Variants in MKLN1 observed in about 807,000 individuals in gnomAD.
MKLN1 encodes the protein muskelin.
Under a neutral mutation model 99.0 loss-of-function variants are expected in MKLN1, and 18 were observed. The observed-to-expected ratio is 0.18, with a 90% CI of 0.13 to 0.27. The LOEUF is 0.27. Ranked by LOEUF, MKLN1 falls within the 10% of genes least tolerant of loss-of-function variation. MKLN1 has a pLI of 1.00. For synonymous variants in MKLN1, 288 were observed against 293.2 expected (o/e 0.98, Z 0.18); for missense variants, 621 against 875.9 (o/e 0.71, Z 3.67).
intron 3 of MKLN1, among the ~76,000 whole-genome samples, chr7:131,255,227 C>G (rs1797641418): frequency 6.6e-6 from 1 of 151,918 alleles, no homozygotes. Context: ...TAGGTGTGAA[C>G]CACTGTGCCC....
intron 3 of MKLN1, among the ~76,000 whole-genome samples, chr7:131,252,699 G>A (rs1156592587): frequency 1.3e-5 from 2 of 152,032 alleles, no homozygotes; most frequent in Non-Finnish European, 2.9e-5. Flanking sequence ...GGCTTAGTTA[G>A]CATCACCAAG....
chr7:131,163,476 T>C (rs573268078), intron 2 of MKLN1, among the ~76,000 whole-genome samples: 1 of 152,340 alleles, frequency 6.6e-6, no homozygotes, highest in South Asian at 2.1e-4. Flanking sequence ...CAGATTGAGA[T>C]GGAGTAGACT....
chr7:131,377,826 C>CAGGG (rs1563319154), intron 2 of MKLN1, among the ~76,000 whole-genome samples: 3 of 152,174 alleles, frequency 2.0e-5, no homozygotes, highest in Non-Finnish European at 4.4e-5. Context: ...ACGGGTATTA[C>CAGGG]ATCAGATACC....
At chr7:131,306,618 G>A (rs1366219799) in intron 3 of MKLN1, among the ~76,000 whole-genome samples, 2 of 152,148 alleles carry the variant, frequency 1.3e-5, no homozygotes, top group Admixed American at 1.3e-4. Context: ...ATTATTTAAG[G>A]TATCTAGCAG....
chr7:131,145,724 G>A (rs1795806988), intron 2 of MKLN1, among the ~76,000 whole-genome samples: 2 of 152,210 alleles, frequency 1.3e-5, no homozygotes, highest in Admixed American at 1.3e-4. Flanking sequence ...TCTCTTCTGG[G>A]TAATCCCAAA....
intron 1 of MKLN1, among the ~76,000 whole-genome samples, chr7:131,357,810 T>C (rs1799926506): frequency 6.6e-6 from 1 of 152,156 alleles, no homozygotes; most frequent in Admixed American, 6.6e-5. Context: ...GCCCCATTTC[T>C]CCATAGAACT....
chr7:131,282,459 C>T (rs986415488), intron 3 of MKLN1, among the ~76,000 whole-genome samples: 5 of 152,020 alleles, frequency 3.3e-5, no homozygotes, highest in Non-Finnish European at 7.4e-5. Flanking sequence ...AAACAGTAGC[C>T]CTTGACAGCA....
chr7:131,215,923 A>G (rs1796974821), intron 3 of MKLN1, among the ~76,000 whole-genome samples: 1 of 152,120 alleles, frequency 6.6e-6, no homozygotes, highest in African/African-American at 2.4e-5. Context: ...AGTCTAGCCC[A>G]TAGGTTCAAG....
At chr7:131,111,660 A>G (rs1795202757) in intron 1 of MKLN1, among the ~76,000 whole-genome samples, 3 of 152,190 alleles carry the variant, frequency 2.0e-5, no homozygotes, top group Admixed American at 2.0e-4. Flanking sequence ...AGCCTAGAAA[A>G]AAAAAACATC....
At chr7:131,336,185 A>G (rs1799245194) in intron 1 of MKLN1, among the ~76,000 whole-genome samples, 1 of 152,062 alleles carries the variant, frequency 6.6e-6, no homozygotes, top group Non-Finnish European at 1.5e-5. Flanking sequence ...TTGGCTCTTT[A>G]TCATTATAAC....
chr7:131,358,778 C>A (rs1259789609), intron 1 of MKLN1, among the ~76,000 whole-genome samples: 1 of 152,024 alleles, frequency 6.6e-6, no homozygotes, highest in East Asian at 1.9e-4. Flanking sequence ...AGGAATTGGT[C>A]CATTTCATTT....
At chr7:131,168,573 C>T (rs570333138) in intron 2 of MKLN1, among the ~76,000 whole-genome samples, 1 of 152,264 alleles carries the variant, frequency 6.6e-6, no homozygotes, top group East Asian at 1.9e-4. Flanking sequence ...CGCTTACCAC[C>T]ACCTGACATA....
intron 3 of MKLN1, among the ~76,000 whole-genome samples, chr7:131,265,326 T>G (rs187206345): frequency 1.3e-5 from 2 of 152,350 alleles, no homozygotes; most frequent in African/African-American, 2.4e-5. Context: ...CCAAACAGTA[T>G]AGTCATCCAT....
intron 3 of MKLN1, among the ~76,000 whole-genome samples, chr7:131,299,137 A>G (rs1186124089): frequency 6.6e-6 from 1 of 152,210 alleles, no homozygotes; most frequent in Non-Finnish European, 1.5e-5. Context: ...GTGGTTTGTG[A>G]CAGCTGGCCC....
At position 131,343,742 on chromosome 7, in the gene MKLN1, A is replaced by AT. The variant is rs200044584; in HGVS notation, c.98+15753dup. Among the ~76,000 whole-genome samples, 377 of 152,084 alleles carry AT rather than the reference A, an allele frequency of 2.5e-3. 10 individuals carry two copies. The East Asian group carries it at 0.053, about 21-fold the overall frequency. ...CTTTTGAGGAAATGAAGATATCTTG[A>AT]TTTTTTTTATGGTATTCTAACCTGC... On this transcript the variant is annotated intron_variant, in intron 1 of 17. Coordinates refer to ENST00000352689, the MANE Select transcript of MKLN1 (RefSeq NM_013255.5).
chr7:131,401,720 A>T (rs932306317), intron 6 of MKLN1, among the ~76,000 whole-genome samples: 1 of 152,218 alleles, frequency 6.6e-6, no homozygotes, highest in Non-Finnish European at 1.5e-5. Flanking sequence ...ATGACACAAT[A>T]AAGCAAGTCA....
At chr7:131,278,561 T>C (rs1209037601) in intron 3 of MKLN1, among the ~76,000 whole-genome samples, 1 of 152,038 alleles carries the variant, frequency 6.6e-6, no homozygotes, top group African/African-American at 2.4e-5. Flanking sequence ...AGAGTAGTAG[T>C]TGTGGTATTA....
chr7:131,147,813 T>C (rs528634380), intron 2 of MKLN1, among the ~76,000 whole-genome samples: 16 of 152,286 alleles, frequency 1.1e-4, no homozygotes, highest in Non-Finnish European at 2.1e-4. Context: ...CCAAGTTCAG[T>C]TCTCTTTCAA....
At chr7:131,287,329 C>T (rs1306399756) in intron 3 of MKLN1, among the ~76,000 whole-genome samples, 1 of 152,208 alleles carries the variant, frequency 6.6e-6, no homozygotes, top group Non-Finnish European at 1.5e-5. Flanking sequence ...TTCCGGAGGA[C>T]AGAAGTCTGA....
Sources: allele counts gnomAD v4.1 joint callset (sites outside exome capture counted in the v4.1 genomes callset), GRCh38; gene constraint gnomAD v4.1.1; transcripts MANE v1.5; gene names NCBI Gene and HGNC (gene_info 2026-07-23, HGNC 2026-07-21).